The following PINX1 variants were observed in gnomAD, a reference collection of about 807,000 sequenced individuals.
The protein encoded by PINX1 is PIN2/TERF1-interacting telomerase inhibitor 1.
A neutral mutation model predicts 25.4 loss-of-function variants in PINX1; 34 were observed. The observed-to-expected ratio is 1.34, with a 90% CI of 1.02 to 1.78. The LOEUF is 1.78. PINX1 is among the 40% of genes most tolerant of loss of function. The pLI is 0.00. For synonymous variants in PINX1, 197 were observed against 147.7 expected (o/e 1.33, Z -2.42); for missense variants, 592 against 404.9 (o/e 1.46, Z -3.97).
intron 1 of PINX1, among the ~76,000 whole-genome samples, chr8:10,835,170 CTACA>C (rs1351146829): frequency 6.6e-6 from 1 of 152,210 alleles, no homozygotes; most frequent in Non-Finnish European, 1.5e-5. Flanking sequence ...CCATGCGTTA[CTACA>C]TACAAAAGAA....
At chr8:10,780,301 G>C (rs938686941) in intron 6 of PINX1, among the ~76,000 whole-genome samples, 1 of 152,134 alleles carries the variant, frequency 6.6e-6, no homozygotes, top group African/African-American at 2.4e-5. Flanking sequence ...CCAGATCTTA[G>C]AGGGAAAGCT....
chr8:10,779,379 A>G (rs1391444432), intron 6 of PINX1, among the ~76,000 whole-genome samples: 1 of 152,264 alleles, frequency 6.6e-6, no homozygotes, highest in Non-Finnish European at 1.5e-5. Context: ...AGCAATTTCT[A>G]AAAGTGAAAT....
chr8:10,775,595 T>C (rs1248765430), intron 6 of PINX1, among the ~76,000 whole-genome samples: 1 of 152,186 alleles, frequency 6.6e-6, no homozygotes, highest in Non-Finnish European at 1.5e-5. Flanking sequence ...ATGCTTACTC[T>C]TAATTTCTGT....
chr8:10,771,668 A>G (rs544434607), intron 6 of PINX1, among the ~76,000 whole-genome samples: 9 of 152,244 alleles, frequency 5.9e-5, no homozygotes, highest in Non-Finnish European at 8.8e-5. Flanking sequence ...AGCTCCCACC[A>G]CCACCCACTG....
At chr8:10,768,256 T>C (rs1801120600) in intron 6 of PINX1, among the ~76,000 whole-genome samples, 1 of 152,198 alleles carries the variant, frequency 6.6e-6, no homozygotes, top group African/African-American at 2.4e-5. Flanking sequence ...GGCCACTCTT[T>C]TGGAATGTAT....
intron 6 of PINX1, among the ~76,000 whole-genome samples, chr8:10,805,212 C>T (rs1375072428): frequency 1.3e-5 from 2 of 152,194 alleles, no homozygotes; most frequent in African/African-American, 2.4e-5. Context: ...TCCTGCAGGG[C>T]GTGCTTGGAG....
chr8:10,835,172 A>G (rs984210600), intron 1 of PINX1, among the ~76,000 whole-genome samples: 2 of 152,212 alleles, frequency 1.3e-5, no homozygotes, highest in East Asian at 3.8e-4. Context: ...ATGCGTTACT[A>G]CATACAAAAG....
intron 6 of PINX1, among the ~76,000 whole-genome samples, chr8:10,782,647 G>C (rs1355506907): frequency 6.6e-6 from 1 of 152,088 alleles, no homozygotes; most frequent in Admixed American, 6.5e-5. Context: ...GAGGCAGCAG[G>C]ATCACTTGAA....
intron 6 of PINX1, among the ~76,000 whole-genome samples, chr8:10,778,796 T>C (rs1190757233): frequency 6.6e-6 from 1 of 152,222 alleles, no homozygotes; most frequent in Non-Finnish European, 1.5e-5. Context: ...ATTATCTGGA[T>C]AAAATGAGTA....
intron 6 of PINX1, among the ~76,000 whole-genome samples, chr8:10,808,120 G>A (rs572250879): frequency 3.9e-5 from 6 of 152,282 alleles, no homozygotes; most frequent in Admixed American, 2.6e-4. Context: ...AGCAGGGTAC[G>A]ATATTTACAT....
intron 6 of PINX1, among the ~76,000 whole-genome samples, chr8:10,797,363 GGT>G (rs1162096008): frequency 2.0e-5 from 3 of 152,150 alleles, no homozygotes; most frequent in African/African-American, 4.8e-5. Context: ...TGACAGAAAG[GGT>G]GTGCTGGAAG....
chr8:10,776,354 A>G (rs548232746), intron 6 of PINX1, among the ~76,000 whole-genome samples: 2 of 152,112 alleles, frequency 1.3e-5, no homozygotes, highest in South Asian at 4.2e-4. Context: ...GAACCTGAGA[A>G]GCGGAGGTTG....
intron 6 of PINX1, among the ~76,000 whole-genome samples, chr8:10,797,537 T>A (rs1469371733): frequency 2.6e-5 from 4 of 152,172 alleles, no homozygotes; most frequent in Non-Finnish European, 5.9e-5. Flanking sequence ...AGGGCCTAAG[T>A]CATGTAGATT....
intron 6 of PINX1, among the ~76,000 whole-genome samples, chr8:10,781,045 C>T (rs1469727283): frequency 3.9e-5 from 6 of 152,062 alleles, no homozygotes; most frequent in African/African-American, 1.4e-4. Flanking sequence ...TGAAATAAAT[C>T]TAAACATTTA....
intron 6 of PINX1, among the ~76,000 whole-genome samples, chr8:10,806,642 C>G (rs1470335013): frequency 6.6e-6 from 1 of 152,184 alleles, no homozygotes; most frequent in East Asian, 1.9e-4. Flanking sequence ...ATGGCCCAAC[C>G]ACTTTCCAGA....
At chr8:10,791,395 G>C (rs998993450) in intron 6 of PINX1, among the ~76,000 whole-genome samples, 4 of 152,118 alleles carry the variant, frequency 2.6e-5, no homozygotes, top group African/African-American at 7.2e-5. Flanking sequence ...CAGCATCCTT[G>C]GGTCACTGCA....
At chr8:10,779,298 A>G (rs1269997765) in intron 6 of PINX1, among the ~76,000 whole-genome samples, 2 of 152,264 alleles carry the variant, frequency 1.3e-5, no homozygotes, top group Admixed American at 6.5e-5. Context: ...GAATAAATGT[A>G]TAAAATAACG....
intron 6 of PINX1, among the ~76,000 whole-genome samples, chr8:10,819,338 T>G (rs1223850033): frequency 1.3e-5 from 2 of 151,476 alleles, no homozygotes; most frequent in African/African-American, 2.5e-5. Flanking sequence ...ATAAACCAAG[T>G]CTTCTTTTTT....
intron 4 of PINX1, among the ~76,000 whole-genome samples, chr8:10,830,990 G>A (rs926568208): frequency 2.6e-5 from 4 of 152,178 alleles, no homozygotes; most frequent in African/African-American, 9.7e-5. Context: ...AGAGGTACCT[G>A]CAAACCCACG....
Sources: gnomAD v4.1 joint callset for allele counts (sites outside exome capture counted in the v4.1 genomes callset) on GRCh38, gnomAD v4.1.1 for gene constraint, MANE v1.5 for transcripts, NCBI Gene and HGNC (gene_info 2026-07-23, HGNC 2026-07-21) for gene names.